Variants in RECQL5 observed in about 807,000 individuals in gnomAD.
RECQL5 encodes the protein RecQ like helicase 5, also known as ATP-dependent DNA helicase Q5.
A neutral mutation model predicts 103.4 loss-of-function variants in RECQL5; 88 were observed. The observed-to-expected ratio is 0.85, with a 90% CI of 0.72 to 1.02. The LOEUF is 1.02. Ranked by LOEUF, RECQL5 falls within the 50% of genes least tolerant of loss-of-function variation. RECQL5 has a pLI of 0.00. For synonymous variants in RECQL5, 552 were observed against 507.9 expected (o/e 1.09, Z -1.17); for missense variants, 1,232 against 1,284.3 (o/e 0.96, Z 0.62).
At position 75,640,312 on chromosome 17, in the gene RECQL5, C is replaced by T; in HGVS notation, c.1230-8644G>A. ...CCGTGGAGATCGTGGCCTTCTCAGTCATCATCCTTTTCACAGGTTAGTTGG... is the reference window on the plus strand; with the variant it reads ...CCGTGGAGATCGTGGCCTTCTCAGTTATCATCCTTTTCACAGGTTAGTTGG... On this transcript the variant is annotated intron_variant, in intron 8 of 19. Transcript: ENST00000317905. This position sits in a 1 kb window ranked among gnomAD's most constrained non-coding sequence, Gnocchi z 4.6. The T allele has an allele frequency of 6.5e-7, 1 of 1,549,548 alleles. No homozygotes were observed.
intron 3 of RECQL5, among the ~76,000 whole-genome samples, chr17:75,663,307 C>T (rs760268243): frequency 2.6e-4 from 40 of 151,892 alleles, no homozygotes; most frequent in Non-Finnish European, 4.7e-4. Flanking sequence ...ATACATATAG[C>T]CTAGATGTAA....
chr17:75,628,152 T>A, intron 18 of RECQL5, 66 bp downstream of exon 18: 32 of 1,297,664 alleles, frequency 2.5e-5, no homozygotes, highest in Non-Finnish European at 3.2e-5. Flanking sequence ...ACTCCCTGCC[T>A]CCCACCCCCA....
Position 75,628,283 on chromosome 17 carries a change from CCTT to C in RECQL5, c.2737_2739del (p.Lys913del). The C allele has an allele frequency of 6.2e-7, 1 of 1,614,186 alleles. No homozygotes were observed. The highest frequency in any genetic ancestry group is 1.3e-5 in the African/African-American group (1 of 75,054). On this transcript the variant is annotated inframe_deletion, in exon 18 of 20. Coordinates refer to ENST00000317905, the MANE Select transcript of RECQL5 (RefSeq NM_004259.7). ...CACTTGACCACAACATTTGCAGCCT[CCTT>C]CAAGGAGACGCCAGGAGCGGAGAGC... is the stretch of plus-strand genomic sequence containing the variant.
intron 7 of RECQL5, among the ~76,000 whole-genome samples, chr17:75,652,216 G>A (rs533409468): frequency 6.6e-6 from 1 of 152,044 alleles, no homozygotes; most frequent in African/African-American, 2.4e-5. Flanking sequence ...AACAGAGCAA[G>A]ACTCCATCTC....
At chr17:75,628,650 A>G (rs373297141) in intron 17 of RECQL5, 22 bp downstream of exon 17, 20 of 1,574,446 alleles carry the variant, frequency 1.3e-5, no homozygotes, top group East Asian at 9.0e-5. Flanking sequence ...CTCCTCCCCA[A>G]CAGACTCATC....
At chr17:75,645,286 T>C (rs140196324) in intron 8 of RECQL5, among the ~76,000 whole-genome samples, 1 of 152,338 alleles carries the variant, frequency 6.6e-6, no homozygotes, top group East Asian at 1.9e-4. Flanking sequence ...AGTCAATAGG[T>C]ATTTCTAGAA....
At chr17:75,645,399 T>C in intron 8 of RECQL5, among the ~76,000 whole-genome samples, 1 of 152,226 alleles carries the variant, frequency 6.6e-6, no homozygotes, top group East Asian at 1.9e-4. Context: ...TACTAGCTGA[T>C]GACCTCGGCT....
intron 8 of RECQL5, chr17:75,650,752 A>G: frequency 6.2e-7 from 1 of 1,602,876 alleles, no homozygotes; most frequent in Non-Finnish European, 8.5e-7. Flanking sequence ...GCGTGAGTTC[A>G]AAGCACATGA....
Position 75,627,148 on chromosome 17 carries a change from C to G in RECQL5, c.*274G>C. The G allele has an allele frequency of 1.7e-6, 1 of 572,604 alleles. No homozygotes were observed. The highest frequency in any genetic ancestry group is 3.3e-6 in the Non-Finnish European group (1 of 302,636). 35.5% of individuals were successfully genotyped at this position (572,604 alleles called of 1,614,324 possible). A position where few individuals can be genotyped will look rare whatever the true frequency, so the allele number is the denominator to read the frequency against. On this transcript the variant is annotated 3_prime_UTR_variant, in exon 20 of 20. Coordinates refer to ENST00000317905, the MANE Select transcript of RECQL5 (RefSeq NM_004259.7). ...TCCCCTTCTTCCAGCAGCAGCTCCA[C>G]CACCCTCCACCTTCTGTCCTCGACA...
chr17:75,650,703 G>A, intron 8 of RECQL5: 1 of 1,613,768 alleles, frequency 6.2e-7, no homozygotes. Context: ...TCTTTCCGTG[G>A]CCCCTGCCCC....
intron 8 of RECQL5, chr17:75,637,325 T>C (rs1402653104): frequency 6.6e-6 from 1 of 152,390 alleles, no homozygotes; most frequent in South Asian, 2.1e-4. Context: ...ACAGTGCCAG[T>C]CAGGCTGAAA....
rs192913858 is a variant in RECQL5, at chr17:75,662,726, C to T, written c.524G>A (p.Arg175His). 4.6e-5 allele frequency: 75 copies of T among 1,613,998 alleles called. No individual in the cohort carries two copies. The highest frequency in any genetic ancestry group is 3.3e-4 in the Middle Eastern group (2 of 6,062). Residue 175 changes from arginine to histidine, a missense_variant, in exon 4 of 20, where the codon CGT (arginine) becomes CAT (histidine). Coordinates refer to ENST00000317905, the MANE Select transcript of RECQL5 (RefSeq NM_004259.7). ...WGHDFRPDYL[R>H]LGALRSRLGH... ...CAGGCGGGAGCGCAGGGCACCCAGACGCAAGTAGTCAGGACGAAAGTCATG... is the reference window on the plus strand; with the variant it reads ...CAGGCGGGAGCGCAGGGCACCCAGATGCAAGTAGTCAGGACGAAAGTCATG...
intron 8 of RECQL5, chr17:75,633,987 T>A: frequency 5.1e-6 from 5 of 985,376 alleles, no homozygotes; most frequent in Non-Finnish European, 4.8e-6. Flanking sequence ...AAGCAGGGCT[T>A]CCTCGGGCTC....
At chr17:75,650,358 A>G (rs2059539050) in intron 8 of RECQL5, 8 of 1,142,918 alleles carry the variant, frequency 7.0e-6, no homozygotes, top group Non-Finnish European at 8.6e-6. Context: ...CACAGCCCAA[A>G]GAGTTTCTCT....
At position 75,640,827 on chromosome 17, in the gene RECQL5, G is replaced by A; in HGVS notation, c.1230-9159C>T. 6.5e-7 allele frequency: 1 copy of A among 1,550,068 alleles called. No individual in the cohort carries two copies. The highest frequency in any genetic ancestry group is 8.7e-7 in the Non-Finnish European group (1 of 1,146,922). On this transcript the variant is annotated intron_variant, in intron 8 of 19. Transcript: ENST00000317905. This position sits in a 1 kb window ranked among gnomAD's most constrained non-coding sequence, Gnocchi z 4.6. ...CTGTTGCTGCTGATAGCCTGCAGCT[G>A]CTGCTGCACTCACTGCTGCTGCCCT...
chr17:75,647,505 C>T (rs749547097), intron 8 of RECQL5: 270 of 1,550,372 alleles, frequency 1.7e-4, no homozygotes, highest in Non-Finnish European at 5.5e-5. Flanking sequence ...TATTTGCCAT[C>T]GTGTTTGGTT....
chr17:75,630,882 T>C lies in RECQL5; in HGVS notation c.1586-45A>G. 4 of 1,537,640 alleles carry C rather than the reference T, an allele frequency of 2.6e-6. No individual in the cohort carries two copies. The South Asian group carries it at 4.7e-5, about 18-fold the overall frequency. On this transcript the variant is annotated intron_variant, in intron 11 of 19. Coordinates refer to ENST00000317905, the MANE Select transcript of RECQL5 (RefSeq NM_004259.7). ...TCCTTGGTCCTTTCGCTCCACCTTCTGCGCTCTGAGGTCCCCCACAGCCCG... is the reference window on the plus strand; with the variant it reads ...TCCTTGGTCCTTTCGCTCCACCTTCCGCGCTCTGAGGTCCCCCACAGCCCG...
rs1406459312 is a variant in RECQL5 at position 75,662,978 on chromosome 17, A to G, written c.272T>C (p.Leu91Pro). Reference sequence around the variant, plus strand: ...GGAACTTACTCGTACCTTTAGGGTTAGCAAGTGGTCCACTTGGTCCTAAGA... The same window carrying G: ...GGAACTTACTCGTACCTTTAGGGTTGGCAAGTGGTCCACTTGGTCCTAAGA... ...ALIQDQVDHL[L>P]TLKVRVSSLN... The change falls in exon 4 of 20, where the codon CTA (leucine) becomes CCA (proline). Residue 91 changes from leucine (L) to proline (P), a missense_variant. By Grantham distance (98) the Leu-to-Pro change is moderately conservative (BLOSUM62 -3). Transcript: ENST00000317905. 1.2e-6 allele frequency: 2 copies of G among 1,606,594 alleles called. No homozygotes were observed. The highest frequency in any genetic ancestry group is 1.7e-5 in the Admixed American group (1 of 59,342).
At chr17:75,650,099 G>C in intron 8 of RECQL5, 1 of 985,792 alleles carries the variant, frequency 1.0e-6, no homozygotes, top group Non-Finnish European at 1.2e-6. Flanking sequence ...TTCCTCACCA[G>C]AAATAAGAGC....
Sources: allele counts gnomAD v4.1 joint callset (sites outside exome capture counted in the v4.1 genomes callset), GRCh38; gene constraint gnomAD v4.1.1; non-coding constraint Gnocchi (gnomAD v3.1); transcripts MANE v1.5; gene names NCBI Gene and HGNC (gene_info 2026-07-23, HGNC 2026-07-21).